Variants in SET observed in about 807,000 individuals in gnomAD.
SET encodes SET nuclear proto-oncogene, also known as protein SET.
A neutral mutation model predicts 39.0 loss-of-function variants in SET; 4 were observed. That is an observed-to-expected ratio of 0.10 (90% CI 0.05 to 0.23). SET has a LOEUF of 0.23. SET is among the 10% of genes least tolerant of loss of function. The pLI is 1.00. For synonymous variants in SET, 114 were observed against 115.9 expected, an observed-to-expected ratio of 0.98 and a Z score of 0.11; for missense variants, 137 against 329.7, an observed-to-expected ratio of 0.42 and a Z score of 4.53.
Position 128,689,270 on chromosome 9 carries a change from C to G in SET, c.-313C>G, listed in dbSNP as rs921820582. On this transcript the variant is annotated 5_prime_UTR_variant, in exon 1 of 8. Coordinates refer to ENST00000322030, the MANE Select transcript of SET (RefSeq NM_003011.4). ...GGAGGAGGCGGCTCGGGAGAGCGAGCAGCGAGCTGGCTGGATCGCCGAGCG... is the reference window on the plus strand; with the variant it reads ...GGAGGAGGCGGCTCGGGAGAGCGAGGAGCGAGCTGGCTGGATCGCCGAGCG... 2.0e-6 allele frequency: 2 copies of G among 1,009,634 alleles called. No individual in the cohort carries two copies. Among genetic ancestry groups the G allele is most frequent in the Non-Finnish European group, 2.4e-6 (2 of 845,120 alleles). 62.5% of individuals were successfully genotyped at this position (1,009,634 alleles called of 1,614,324 possible).
upstream of SET, among the ~76,000 whole-genome samples, chr9:128,687,921 C>A (rs1407048004): frequency 6.6e-6 from 1 of 152,024 alleles, no homozygotes; most frequent in African/African-American, 2.4e-5. Context: ...TCACTAAAAT[C>A]AACAAATGGT....
intron 2 of SET, 78 bp downstream of exon 2, chr9:128,691,305 CAA>C: frequency 3.4e-6 from 3 of 870,420 alleles, no homozygotes; most frequent in Non-Finnish European, 5.6e-6. Context: ...AAGCTATGGT[CAA>C]ATCTATCCAC....
At chr9:128,689,737 G>A (rs1006020045) in intron 1 of SET, 82 bp downstream of exon 1, 15 of 204,278 alleles carry the variant, frequency 7.3e-5, no homozygotes, top group Middle Eastern at 2.5e-3. Flanking sequence ...GCGGGGCCCG[G>A]GGCGCGCGCG....
chr9:128,685,310 G>C (rs576415594), upstream of SET: 1 of 1,017,332 alleles, frequency 9.8e-7, no homozygotes, highest in East Asian at 2.6e-5. Context: ...AAATCTAAGG[G>C]GAGCACTAGA....
At chr9:128,691,123 C>T (rs537403951) in intron 1 of SET, 47 bp from the exon 2 acceptor site, 2 of 1,438,694 alleles carry the variant, frequency 1.4e-6, no homozygotes, top group East Asian at 2.3e-5. Context: ...ATCTGGAAAA[C>T]TAGGTAAATT....
At position 128,689,238 on chromosome 9, in the gene SET, A is replaced by T; in HGVS notation, c.-345A>T. 1.0e-6 allele frequency: 1 copy of T among 997,762 alleles called. No homozygotes were observed. The allele number at this position is 997,762 out of a possible 1,614,324, so 61.8% of individuals were successfully genotyped here. A position where few individuals can be genotyped will look rare whatever the true frequency, so the allele number is the denominator to read the frequency against. ...TGCGCCCGCCCCTCGCCGTAGGAGG[A>T]GGTGGAGGAGGAGGCGGCTCGGGAG... On this transcript the variant is annotated 5_prime_UTR_variant, in exon 1 of 8. Coordinates refer to ENST00000322030, the MANE Select transcript of SET (RefSeq NM_003011.4).
chr9:128,694,152 G>A, intron 7 of SET, 110 bp downstream of exon 7: 1 of 992,880 alleles, frequency 1.0e-6, no homozygotes, highest in Admixed American at 3.5e-5. Flanking sequence ...AACTGATTGT[G>A]GAAAAAAAGT....
At chr9:128,685,105 T>C (rs1861240401), upstream of SET, 1 of 1,552,186 alleles carries the variant, frequency 6.4e-7, no homozygotes, top group African/African-American at 1.4e-5. Flanking sequence ...GGAGGAGTCC[T>C]ACCTCAGGGC....
rs139428399 is a variant in SET at position 128,693,651 on chromosome 9, G to C, written c.506G>C (p.Arg169Pro). 1 of 1,611,602 alleles carries C rather than the reference G, an allele frequency of 6.2e-7. No homozygotes were observed. The highest frequency in any genetic ancestry group is 1.3e-5 in the African/African-American group (1 of 74,802). Residue 169 changes from arginine (R) to proline (P), a missense_variant, in exon 6 of 8, where the codon CGT (arginine) becomes CCT (proline). Physicochemically the swap from Arg to Pro is moderately radical, Grantham distance 103. This residue lies in a region of SET where 59 missense variants were observed against 237.2 expected (regional missense o/e 0.25). Transcript: ENST00000322030. Reference protein sequence around the residue: ...KWKSGKDLTKRSSQTQNKASR... With the variant: ...KWKSGKDLTKPSSQTQNKASR... ...GTATTCATTTAGGATTTGACGAAAC[G>C]TTCGAGTCAAACGCAGAATAAAGCC...
chr9:128,692,396 T>TA (rs1262961451), intron 3 of SET: 28 of 34,234 alleles, frequency 8.2e-4, no homozygotes, highest in Admixed American at 4.2e-3. Flanking sequence ...TGAGACTGTT[T>TA]CAAAAAAAAA....
chr9:128,694,122 AG>A, intron 7 of SET, 80 bp downstream of exon 7: 21 of 1,273,142 alleles, frequency 1.6e-5, no homozygotes, highest in Admixed American at 2.9e-5. Flanking sequence ...ATATATATAT[AG>A]TGTGGTAGAA....
chr9:128,685,274 T>C (rs556151948), upstream of SET: 2 of 1,353,944 alleles, frequency 1.5e-6, no homozygotes, highest in African/African-American at 2.9e-5. Context: ...TCCACAGTAC[T>C]GATCTCCAGG....
In SET at chr9:128,695,286, C is replaced by T. The variant is rs1466749946; in HGVS notation, c.*622C>T. 4 of 224,074 alleles carry T rather than the reference C, an allele frequency of 1.8e-5. No individual in the cohort carries two copies. The highest frequency in any genetic ancestry group is 1.7e-4 in the Admixed American group (3 of 17,506). 13.9% of individuals were successfully genotyped at this position (224,074 alleles called of 1,614,324 possible). On this transcript the variant is annotated 3_prime_UTR_variant, in exon 8 of 8. Transcript: ENST00000322030. ...TTAATTGTGATATTTGACAGACATC[C>T]TTGCAGTTTAAGATGACACTTTTAA... is the stretch of plus-strand genomic sequence containing the variant.
chr9:128,693,050 A>C, intron 5 of SET, 69 bp downstream of exon 5: 1 of 1,022,218 alleles, frequency 9.8e-7, no homozygotes, highest in South Asian at 1.4e-5. Flanking sequence ...AACCACTTAC[A>C]AGTGCTTGAT....
In SET at chr9:128,696,293, T is replaced by TGG. The variant is rs1861737749; in HGVS notation, c.*1630_*1631dup. ...GCAAAAGTGTAACAACCTATCTAGA[T>TGG]GGATAGTATGTAATTTCTGCACAGG... is the stretch of plus-strand genomic sequence containing the variant. On this transcript the variant is annotated 3_prime_UTR_variant, in exon 8 of 8. Transcript: ENST00000322030. 1 of 194,356 alleles carries TGG rather than the reference T, an allele frequency of 5.1e-6. No homozygotes were observed. Among genetic ancestry groups the TGG allele is most frequent in the Non-Finnish European group, 1.1e-5 (1 of 92,204 alleles). 12.0% of individuals were successfully genotyped at this position (194,356 alleles called of 1,614,324 possible). A position where few individuals can be genotyped will look rare whatever the true frequency, so the allele number is the denominator to read the frequency against.
At chr9:128,687,554 G>A (rs573712664), upstream of SET, among the ~76,000 whole-genome samples, 29 of 148,712 alleles carry the variant, frequency 2.0e-4, no homozygotes, top group Non-Finnish European at 3.8e-4. Context: ...GTTGCAGTGA[G>A]CTGAGATGGC....
Position 128,692,848 on chromosome 9 carries a change from C to A in SET, c.379-20C>A, listed in dbSNP as rs1861597613. The A allele has an allele frequency of 1.3e-6, 2 of 1,527,054 alleles. No homozygotes were observed. Among genetic ancestry groups the A allele is most frequent in the South Asian group, 2.3e-5 (2 of 88,046 alleles). The allele number at this position is 1,527,054 out of a possible 1,614,324, so 94.6% of individuals were successfully genotyped here. ...TGGAAGACCTGTTCATATTTCTAAT[C>A]TTTCAATTATTTATTACAGTATTTT... On this transcript the variant is annotated intron_variant, in intron 4 of 7. Coordinates refer to ENST00000322030, the MANE Select transcript of SET (RefSeq NM_003011.4).
rs1302699274 is a variant in SET, at chr9:128,689,369, C to T, written c.-214C>T. ...CGCGAACAGGAGCCCGGGCCGGGGCCCGGCACGCCGCCCCAGCCCGTCCCT... is the reference window on the plus strand; with the variant it reads ...CGCGAACAGGAGCCCGGGCCGGGGCTCGGCACGCCGCCCCAGCCCGTCCCT... On this transcript the variant is annotated 5_prime_UTR_variant, in exon 1 of 8. Coordinates refer to ENST00000322030, the MANE Select transcript of SET (RefSeq NM_003011.4). 3.0e-6 allele frequency: 3 copies of T among 1,015,716 alleles called. No individual in the cohort carries two copies. The highest frequency in any genetic ancestry group is 4.2e-4 in the Middle Eastern group (1 of 2,358). 62.9% of individuals were successfully genotyped at this position (1,015,716 alleles called of 1,614,324 possible).
chr9:128,695,838 G>GT lies in SET; in HGVS notation c.*1179dup, dbSNP rs781267556. 1.8e-5 allele frequency: 4 copies of GT among 228,348 alleles called. No individual in the cohort carries two copies. The highest frequency in any genetic ancestry group is 3.5e-5 in the Non-Finnish European group (4 of 114,448). The allele number at this position is 228,348 out of a possible 1,614,324, so 14.1% of individuals were successfully genotyped here. A position where few individuals can be genotyped will look rare whatever the true frequency, so the allele number is the denominator to read the frequency against. ...CCTTGATTTTTATCTCCAAGTGGCA[G>GT]TTTTTAAAATTGGCCTTTTACCTGG... On this transcript the variant is annotated 3_prime_UTR_variant, in exon 8 of 8. Coordinates refer to ENST00000322030, the MANE Select transcript of SET (RefSeq NM_003011.4).
Sources: allele counts gnomAD v4.1 joint callset (sites outside exome capture counted in the v4.1 genomes callset), GRCh38; gene constraint gnomAD v4.1.1; regional missense constraint gnomAD v4.1.1; transcripts MANE v1.5; gene names NCBI Gene and HGNC (gene_info 2026-07-23, HGNC 2026-07-21).